The following OPCML variants were observed in gnomAD, a reference collection of about 807,000 sequenced individuals.
OPCML encodes opioid binding protein/cell adhesion molecule like.
In OPCML, 13 loss-of-function variants were observed where a neutral mutation model predicts 37.8. That is an observed-to-expected ratio of 0.34 (90% CI 0.22 to 0.55). OPCML has a LOEUF of 0.55. OPCML is among the 20% of genes least tolerant of loss of function. OPCML has a pLI of 0.91. For missense variants in OPCML, 341 were observed against 435.6 expected (o/e 0.78, Z 1.93); for synonymous variants, 176 against 168.8 (o/e 1.04, Z -0.33).
chr11:132,588,611 T>C (rs2096478208), intron 3 of OPCML, among the ~76,000 whole-genome samples: 1 of 152,174 alleles, frequency 6.6e-6, no homozygotes, highest in South Asian at 2.1e-4. Context: ...GCCCCTTGGC[T>C]GCCAGGAATA....
At chr11:133,166,817 CTT>C (rs911950778) in intron 1 of OPCML, among the ~76,000 whole-genome samples, 6 of 152,212 alleles carry the variant, frequency 3.9e-5, no homozygotes, top group Non-Finnish European at 8.8e-5. Flanking sequence ...GACCTGTCCT[CTT>C]TGTGGGGAGC....
intron 1 of OPCML, among the ~76,000 whole-genome samples, chr11:133,471,863 G>C (rs1444148814): frequency 1.3e-5 from 2 of 152,170 alleles, no homozygotes; most frequent in African/African-American, 4.8e-5. Flanking sequence ...TAGTTTAAGG[G>C]TGTGGAAATG....
In OPCML at chr11:132,553,366, C is replaced by T. The variant is rs2096386835; in HGVS notation, c.380-24180G>A. Among the ~76,000 whole-genome samples, 3 of 152,288 alleles carry T rather than the reference C, an allele frequency of 2.0e-5. No homozygotes were observed. The South Asian group carries it at 6.2e-4, about 32-fold the overall frequency. ...ATGGCTGTTTGCCTTTCCCTGGAGA[C>T]AGCCATTTACTCCTAAGTCGGTGTG... On this transcript the variant is annotated intron_variant, in intron 3 of 7. Transcript: ENST00000524381.
At chr11:133,086,619 G>T (rs1948822704) in intron 1 of OPCML, among the ~76,000 whole-genome samples, 1 of 151,988 alleles carries the variant, frequency 6.6e-6, no homozygotes, top group Admixed American at 6.5e-5. Context: ...AATGCATGGT[G>T]TAATGACTGC....
At chr11:133,008,288 T>C (rs7925185) in intron 1 of OPCML, 467,384 of 983,554 alleles carry the variant, frequency 0.48, 111,468 homozygotes, top group South Asian at 0.64. Context: ...TGACAATCAA[T>C]TGTGGTGCAT....
At chr11:132,886,154 T>C (rs1432744138) in intron 2 of OPCML, among the ~76,000 whole-genome samples, 3 of 152,240 alleles carry the variant, frequency 2.0e-5, no homozygotes, top group African/African-American at 7.2e-5. Context: ...CAATAAAGCT[T>C]TCAAAATTAA....
intron 3 of OPCML, among the ~76,000 whole-genome samples, chr11:132,624,073 CATA>C (rs1939591619): frequency 6.6e-6 from 1 of 152,186 alleles, no homozygotes. Context: ...TTGGTGAGAT[CATA>C]ATAAGGACTC....
intron 1 of OPCML, among the ~76,000 whole-genome samples, chr11:133,498,860 T>C (rs1233337154): frequency 1.3e-5 from 2 of 152,202 alleles, no homozygotes; most frequent in Non-Finnish European, 2.9e-5. Flanking sequence ...ACAGCTACCA[T>C]GGATGGAGTT....
At chr11:133,530,881 C>T (rs1208886768) in intron 1 of OPCML, among the ~76,000 whole-genome samples, 1 of 152,166 alleles carries the variant, frequency 6.6e-6, no homozygotes, top group Non-Finnish European at 1.5e-5. Context: ...CTTAGGACTA[C>T]TCAGGGAATT....
intron 1 of OPCML, among the ~76,000 whole-genome samples, chr11:133,063,043 G>A (rs1393177552): frequency 6.6e-6 from 1 of 152,216 alleles, no homozygotes; most frequent in Non-Finnish European, 1.5e-5. Context: ...TGGGGTCATG[G>A]AGTTTTCCCG....
At chr11:132,958,293 A>G (rs1042907975) in intron 1 of OPCML, among the ~76,000 whole-genome samples, 3 of 152,256 alleles carry the variant, frequency 2.0e-5, no homozygotes, top group Non-Finnish European at 4.4e-5. Flanking sequence ...CTTCAATTCT[A>G]TGAAGGCTGA....
At chr11:133,153,532 C>T (rs917041764) in intron 1 of OPCML, among the ~76,000 whole-genome samples, 1 of 152,130 alleles carries the variant, frequency 6.6e-6, no homozygotes, top group Non-Finnish European at 1.5e-5. Flanking sequence ...TCTCTGCACC[C>T]GGGCCTGCTC....
chr11:132,618,430 G>A (rs182086180), intron 3 of OPCML, among the ~76,000 whole-genome samples: 1 of 152,206 alleles, frequency 6.6e-6, no homozygotes, highest in African/African-American at 2.4e-5. Flanking sequence ...TTGAACCCGG[G>A]AGGCGTAGGT....
At chr11:132,640,815 A>C (rs1294247201) in intron 3 of OPCML, among the ~76,000 whole-genome samples, 2 of 152,154 alleles carry the variant, frequency 1.3e-5, no homozygotes, top group Non-Finnish European at 2.9e-5. Context: ...CCCTGAACCA[A>C]GCAGGCAGAA....
Position 133,258,500 on chromosome 11 carries a change from T to C in OPCML, c.61+273764A>G, listed in dbSNP as rs149931525. On this transcript the variant is annotated intron_variant, in intron 1 of 7. Coordinates refer to ENST00000524381, the MANE Select transcript of OPCML (RefSeq NM_001012393.5). ...ACCTTAGGGCGTGGCAAGGAATCCA[T>C]TGTGACTTTGAACAAGAAGGTCCAC... Among the ~76,000 whole-genome samples, 7 of 152,254 alleles carry C rather than the reference T, an allele frequency of 4.6e-5. 1 individual carries two copies. The highest frequency in any genetic ancestry group is 6.8e-3 in the Middle Eastern group (2 of 294).
chr11:132,913,489 C>T (rs1267653441), intron 2 of OPCML, among the ~76,000 whole-genome samples: 2 of 152,192 alleles, frequency 1.3e-5, no homozygotes, highest in Non-Finnish European at 2.9e-5. Context: ...ATTTGATTCA[C>T]TTCACATTCC....
At chr11:133,214,463 A>C (rs1346151300) in intron 1 of OPCML, among the ~76,000 whole-genome samples, 1 of 152,200 alleles carries the variant, frequency 6.6e-6, no homozygotes, top group Non-Finnish European at 1.5e-5. Context: ...CTGAAACTCT[A>C]AAATTATTTT....
At chr11:133,397,037 C>T (rs142261592) in intron 1 of OPCML, among the ~76,000 whole-genome samples, 229 of 152,304 alleles carry the variant, frequency 1.5e-3, no homozygotes, top group African/African-American at 5.2e-3. Flanking sequence ...CATAGTAGCA[C>T]TCCATGTCTA....
At chr11:132,435,290 C>T (rs3781631) in intron 7 of OPCML, 4 of 1,278,230 alleles carry the variant, frequency 3.1e-6, no homozygotes, top group Admixed American at 2.3e-5. Flanking sequence ...AATGTCAGTG[C>T]TGAAAGCTTG....
Sources: gnomAD v4.1 joint callset for allele counts (sites outside exome capture counted in the v4.1 genomes callset) on GRCh38, gnomAD v4.1.1 for gene constraint, MANE v1.5 for transcripts, NCBI Gene and HGNC (gene_info 2026-07-23, HGNC 2026-07-21) for gene names.